Variants in PRDM1 observed in about 807,000 individuals in gnomAD.
PRDM1 encodes the protein PR/SET domain 1.
PRDM1 carries 13 observed loss-of-function variants against 62.8 expected under a neutral mutation model. The observed-to-expected ratio is 0.21, with a 90% confidence interval of 0.13 to 0.33. The LOEUF (loss-of-function observed/expected upper bound fraction) is 0.33. Among genes scored for constraint, PRDM1 ranks in the 10% least tolerant of loss-of-function variants. PRDM1 has a pLI of 1.00. For synonymous variants in PRDM1, 396 were observed against 417.6 expected (o/e 0.95, Z 0.63); for missense variants, 895 against 1,058.8 (o/e 0.85, Z 2.15).
intron 4 of PRDM1, 93 bp from the exon 5 acceptor site, chr6:106,104,732 C>T (rs1774391469): frequency 8.4e-6 from 12 of 1,427,464 alleles, no homozygotes; most frequent in Admixed American, 2.2e-5. Flanking sequence ...CCAGCTGTTA[C>T]TCAGGTTTTC....
chr6:106,073,809 T>G (rs1183247252), intron 1 of PRDM1, among the ~76,000 whole-genome samples: 1 of 152,194 alleles, frequency 6.6e-6, no homozygotes, highest in African/African-American at 2.4e-5. Context: ...TCTGCATTCC[T>G]TAGAGGCCAG....
At chr6:106,063,232 G>A (rs1220235262) in intron 1 of PRDM1, among the ~76,000 whole-genome samples, 1 of 152,180 alleles carries the variant, frequency 6.6e-6, no homozygotes, top group African/African-American at 2.4e-5. Context: ...TCTACACCAA[G>A]TATGTGCACT....
chr6:106,091,595 C>A (rs1448296233), intron 2 of PRDM1, among the ~76,000 whole-genome samples: 1 of 151,972 alleles, frequency 6.6e-6, no homozygotes, highest in East Asian at 1.9e-4. Context: ...GCCTAGCCAA[C>A]ATGGTGAAAC....
chr6:106,030,677 G>A (rs1753401961), intron 1 of PRDM1, among the ~76,000 whole-genome samples: 1 of 152,030 alleles, frequency 6.6e-6, no homozygotes, highest in African/African-American at 2.4e-5. Context: ...TCACATTTAG[G>A]TCTAAGATTC....
intron 1 of PRDM1, among the ~76,000 whole-genome samples, chr6:106,054,556 C>T (rs1582441443): frequency 6.6e-6 from 1 of 152,148 alleles, no homozygotes; most frequent in African/African-American, 2.4e-5. Context: ...AAAACAATAA[C>T]TTCCATGTGT....
At chr6:106,088,106 A>G (rs753013743) in intron 1 of PRDM1, 95 bp from the exon 2 acceptor site, 15 of 1,443,044 alleles carry the variant, frequency 1.0e-5, no homozygotes, top group Non-Finnish European at 1.4e-5. Context: ...TCTGCTTTTA[A>G]AGTCTTCAGA....
intron 1 of PRDM1, among the ~76,000 whole-genome samples, chr6:106,023,991 A>G (rs907822188): frequency 2.6e-5 from 4 of 152,034 alleles, no homozygotes; most frequent in Admixed American, 6.6e-5. Context: ...AAAATTTACA[A>G]ATTAGCCAGG....
At chr6:106,085,537 A>G (rs368332953), upstream of PRDM1, among the ~76,000 whole-genome samples, 3 of 152,244 alleles carry the variant, frequency 2.0e-5, no homozygotes, top group African/African-American at 7.2e-5. Flanking sequence ...TCCTTCCTTC[A>G]ACAGAGGACT....
chr6:106,078,864 T>C (rs763193937), intron 1 of PRDM1, among the ~76,000 whole-genome samples: 1 of 151,952 alleles, frequency 6.6e-6, no homozygotes, highest in Non-Finnish European at 1.5e-5. Context: ...AGAAAAGAAA[T>C]AAAATAAAAA....
chr6:106,106,593 A>G lies in PRDM1; in HGVS notation c.1902+94A>G. On this transcript the variant is annotated intron_variant, in intron 6 of 6. Coordinates refer to ENST00000369096, the MANE Select transcript of PRDM1 (RefSeq NM_001198.4). The surrounding 1 kb of genome is among the most constrained non-coding windows in gnomAD (Gnocchi z 4.4). ...CCTATATAGCCCGTAGTTAAAGCCA[A>G]CACCAGATTCTGCGTTGTCCCATCC... The G allele has an allele frequency of 6.6e-7, 1 of 1,526,552 alleles. No homozygotes were observed. Among genetic ancestry groups the G allele is most frequent in the South Asian group, 1.2e-5 (1 of 83,252 alleles). 94.6% of individuals were successfully genotyped at this position (1,526,552 alleles called of 1,614,324 possible).
intron 1 of PRDM1, among the ~76,000 whole-genome samples, chr6:106,018,748 A>G (rs752088527): frequency 6.6e-6 from 1 of 152,186 alleles, no homozygotes; most frequent in Non-Finnish European, 1.5e-5. Flanking sequence ...TCAAAAGTAT[A>G]TATCAACATG....
chr6:106,095,475 C>T (rs934406880), intron 2 of PRDM1, 140 bp from the exon 3 acceptor site: 1 of 864,566 alleles, frequency 1.2e-6, no homozygotes, highest in Non-Finnish European at 1.7e-6. Context: ...ATTATGTAGG[C>T]ATCATTAATG....
At chr6:106,026,991 A>G (rs1428268393) in intron 1 of PRDM1, among the ~76,000 whole-genome samples, 1 of 152,224 alleles carries the variant, frequency 6.6e-6, no homozygotes, top group Non-Finnish European at 1.5e-5. Flanking sequence ...AGCATTGCCT[A>G]CCGCAACTTG....
In PRDM1 at chr6:106,034,628, T is replaced by TCTCG. The variant is rs200184246; in HGVS notation, c.-67+40992_-67+40993insGCTC. On this transcript the variant is annotated intron_variant, in intron 1 of 6. Coordinates refer to the PRDM1 transcript ENST00000652320. ...ACTACAGTCTTACAGTCTTTCATGT[T>TCTCG]CTCTCTCTTTTTTTTTTTTTTTTTT... Among the ~76,000 whole-genome samples the TCTCG allele has an allele frequency of 4.6e-4, 13 of 28,182 alleles. 1 individual carries two copies. The highest frequency in any genetic ancestry group is 1.6e-3 in the African/African-American group (11 of 6,888). The allele number at this position is 28,182 out of a possible 152,430, so 18.5% of individuals were successfully genotyped here. A position where few individuals can be genotyped will look rare whatever the true frequency, so the allele number is the denominator to read the frequency against.
Position 106,104,822 on chromosome 6 carries a change from C to A in PRDM1, c.665-3C>A, listed in dbSNP as rs1424127694. ...TGTAATCGCCCCTTTTTCTTTATTT[C>A]AGCACAAACACAGAGCAGTCTAAAG... On this transcript the variant is annotated splice_region_variant and splice_polypyrimidine_tract_variant and intron_variant, in intron 4 of 6. Transcript: ENST00000369096. 1 of 1,600,920 alleles carries A rather than the reference C, an allele frequency of 6.2e-7. No individual in the cohort carries two copies. The highest frequency in any genetic ancestry group is 8.5e-7 in the Non-Finnish European group (1 of 1,175,586).
intron 4 of PRDM1, among the ~76,000 whole-genome samples, chr6:106,101,307 A>T (rs994778522): frequency 6.6e-6 from 1 of 152,088 alleles, no homozygotes; most frequent in Non-Finnish European, 1.5e-5. Context: ...ACTTTTTTGC[A>T]TGCTTCCCGC....
At chr6:106,079,417 G>T (rs779765147) in intron 1 of PRDM1, among the ~76,000 whole-genome samples, 7 of 152,200 alleles carry the variant, frequency 4.6e-5, no homozygotes, top group Non-Finnish European at 1.0e-4. Flanking sequence ...CCCACCCAAT[G>T]ATTTTGAGGC....
intron 3 of PRDM1, chr6:106,098,191 C>A (rs1774162642): frequency 1.0e-6 from 1 of 985,070 alleles, no homozygotes; most frequent in Admixed American, 6.1e-5. Flanking sequence ...TGCTTGGAGA[C>A]TGCAAGTCGC....
intron 1 of PRDM1, among the ~76,000 whole-genome samples, chr6:106,027,909 C>T (rs1174713265): frequency 6.6e-6 from 1 of 152,178 alleles, no homozygotes; most frequent in Admixed American, 6.5e-5. Flanking sequence ...GCTCATTACA[C>T]ATGATCCCCT....
Sources: gnomAD v4.1 joint callset for allele counts (sites outside exome capture counted in the v4.1 genomes callset) on GRCh38, gnomAD v4.1.1 for gene constraint, Gnocchi (gnomAD v3.1) non-coding constraint, MANE v1.5 for transcripts, NCBI Gene and HGNC (gene_info 2026-07-23, HGNC 2026-07-21) for gene names.